Variants in HNRNPL observed in about 807,000 individuals in gnomAD.
HNRNPL encodes the protein heterogeneous nuclear ribonucleoprotein L, also known as epididymis secretory sperm binding protein.
A neutral mutation model predicts 64.0 loss-of-function variants in HNRNPL; 12 were observed. The observed-to-expected ratio is 0.19, with a 90% CI of 0.12 to 0.30. The LOEUF is 0.30. Among genes scored for constraint, HNRNPL ranks in the 10% least tolerant of loss-of-function variants. The pLI is 1.00. For synonymous variants in HNRNPL, 385 were observed against 313.0 expected (o/e 1.23, Z -2.43); for missense variants, 484 against 797.4 (o/e 0.61, Z 4.73).
intron 4 of HNRNPL, 107 bp downstream of exon 4, chr19:38,845,543 C>G: frequency 2.3e-6 from 2 of 868,034 alleles, no homozygotes; most frequent in Non-Finnish European, 3.8e-6. Flanking sequence ...TGGCACATGG[C>G]AGCCACTCCC....
intron 6 of HNRNPL, chr19:38,842,357 C>G (rs571959070): frequency 1.3e-5 from 2 of 152,298 alleles, no homozygotes; most frequent in Non-Finnish European, 2.9e-5. Flanking sequence ...GCTGGGACAG[C>G]TCTGTTCTCT....
intron 6 of HNRNPL, among the ~76,000 whole-genome samples, chr19:38,842,738 T>C (rs1972157297): frequency 6.6e-6 from 1 of 151,924 alleles, no homozygotes; most frequent in South Asian, 2.1e-4. Context: ...TCATCAGCCC[T>C]CGTTTTTTTT....
At chr19:38,850,067 G>A, upstream of HNRNPL, 1 of 997,974 alleles carries the variant, frequency 1.0e-6, no homozygotes, top group South Asian at 2.1e-5. Flanking sequence ...TCCCGCCGCG[G>A]GGGGAGGGTA....
intron 8 of HNRNPL, 58 bp from the exon 9 acceptor site, chr19:38,839,073 G>T (rs1161081357): frequency 6.2e-7 from 1 of 1,601,592 alleles, no homozygotes; most frequent in Non-Finnish European, 8.5e-7. Context: ...CCCCTCTCCT[G>T]CCCCTCCCAA....
In HNRNPL at chr19:38,838,386, A is replaced by G. The variant is rs541082020; in HGVS notation, c.1557+11T>C. 40 of 1,602,184 alleles carry G rather than the reference A, an allele frequency of 2.5e-5. No homozygotes were observed. In the African/African-American group the frequency reaches 4.8e-4, roughly 19 times the overall value. On this transcript the variant is annotated intron_variant, in intron 10 of 12. Coordinates refer to ENST00000221419, the MANE Select transcript of HNRNPL (RefSeq NM_001533.3). Reference sequence around the variant, plus strand: ...AGGACCCGACTGCCTGCGCAGCTCCACGGCACACACCTCAAAGAAGTTCTC... The same window carrying G: ...AGGACCCGACTGCCTGCGCAGCTCCGCGGCACACACCTCAAAGAAGTTCTC...
At chr19:38,847,174 T>A (rs906019581) in intron 2 of HNRNPL, 142 bp downstream of exon 2, 4 of 502,924 alleles carry the variant, frequency 8.0e-6, no homozygotes, top group Non-Finnish European at 1.5e-5. Context: ...CAAAGTACAA[T>A]GGCCAACCCA....
intron 7 of HNRNPL, 49 bp downstream of exon 7, chr19:38,840,433 CGGGCAG>C (rs1290847464): frequency 1.9e-6 from 3 of 1,551,486 alleles, no homozygotes; most frequent in African/African-American, 1.4e-5. Flanking sequence ...CGGCGGGCGG[CGGGCAG>C]GGGCACATGA....
intron 10 of HNRNPL, among the ~76,000 whole-genome samples, chr19:38,837,942 C>G (rs377213607): frequency 1.8e-3 from 267 of 152,360 alleles, no homozygotes; most frequent in African/African-American, 6.3e-3. Flanking sequence ...AATGCAAGGT[C>G]AACATTTCAG....
At chr19:38,839,045 C>T (rs1213895024) in intron 8 of HNRNPL, 30 bp from the exon 9 acceptor site, 1 of 1,611,074 alleles carries the variant, frequency 6.2e-7, no homozygotes, top group Non-Finnish European at 8.5e-7. Context: ...GTCAGCACCT[C>T]TGTCCAGCTG....
At chr19:38,845,371 CAATA>C (rs1450821102) in intron 4 of HNRNPL, 10 of 391,284 alleles carry the variant, frequency 2.6e-5, no homozygotes, top group East Asian at 1.1e-4. Flanking sequence ...AACTCCATCT[CAATA>C]AATAAATAAG....
At chr19:38,850,023 CCCG>C, upstream of HNRNPL, 1 of 1,291,322 alleles carries the variant, frequency 7.7e-7, no homozygotes, top group Non-Finnish European at 1.0e-6. Context: ...ACGCCCGTCA[CCCG>C]CCGCCCCCAC....
At chr19:38,843,771 G>C in intron 6 of HNRNPL, 71 bp downstream of exon 6, 1 of 1,283,546 alleles carries the variant, frequency 7.8e-7, no homozygotes, top group Non-Finnish European at 1.1e-6. Flanking sequence ...CCTGAGCCCA[G>C]GCCTATTAAG....
Position 38,846,001 on chromosome 19 carries a change from T to C in HNRNPL, c.476A>G (p.Asp159Gly), listed in dbSNP as rs748806274. Reference protein sequence around the residue: ...GACNAVNYAADNQIYIAGHPA... With the variant: ...GACNAVNYAAGNQIYIAGHPA... ...GTGACCAGCAATGTATATTTGGTTG[T>C]CGGCTGCGTAGTTCACTGCGTTGCA... Residue 159 changes from aspartate to glycine, a missense_variant, in exon 3 of 13, where the codon GAC (aspartate) becomes GGC (glycine). Asp to Gly is a moderately conservative substitution (Grantham distance 94, BLOSUM62 -1). Transcript: ENST00000221419. The C allele has an allele frequency of 1.2e-6, 2 of 1,614,212 alleles. No individual in the cohort carries two copies. Among genetic ancestry groups the C allele is most frequent in the Non-Finnish European group, 8.5e-7 (1 of 1,180,032 alleles).
rs765645636 is a variant in HNRNPL at position 38,836,595 on chromosome 19, A to AT, written c.*126dup. 41 of 497,154 alleles carry AT rather than the reference A, an allele frequency of 8.2e-5. No homozygotes were observed. The highest frequency in any genetic ancestry group is 3.0e-4 in the Admixed American group (8 of 26,286). The allele number at this position is 497,154 out of a possible 1,614,324, so 30.8% of individuals were successfully genotyped here. On this transcript the variant is annotated 3_prime_UTR_variant, in exon 13 of 13. Transcript: ENST00000221419. ...TTAAGTAAGCCTCTACAAACCTAGCATTTAAAAAAAAAAAAAAAAAAAAAA... is the reference window on the plus strand; with the variant it reads ...TTAAGTAAGCCTCTACAAACCTAGCATTTTAAAAAAAAAAAAAAAAAAAAAA...
chr19:38,837,441 T>G lies in HNRNPL; in HGVS notation c.1654A>C (p.Lys552Gln), dbSNP rs1568366146. 1 of 1,614,244 alleles carries G rather than the reference T, an allele frequency of 6.2e-7. No homozygotes were observed. The highest frequency in any genetic ancestry group is 8.5e-7 in the Non-Finnish European group (1 of 1,180,024). The change falls in exon 12 of 13, where the codon AAG (lysine) becomes CAG (glutamine). Residue 552 changes from lysine to glutamine, a missense_variant. By Grantham distance (53) the Lys-to-Gln change is moderately conservative (BLOSUM62 1). This residue lies in a region of HNRNPL where 69 missense variants were observed against 91.8 expected (regional missense o/e 0.75). Transcript: ENST00000221419. The stretch of plus-strand genomic sequence containing the variant: ...CCCAGAGTCTCCAGGGCATCGCTCT[T>G]GGATTCCCACTCCAGCAGTCCAGAG... ...SSSGLLEWES[K>Q]SDALETLGFL...
chr19:38,850,734 A>G (rs1972483590), upstream of HNRNPL, among the ~76,000 whole-genome samples: 1 of 152,182 alleles, frequency 6.6e-6, no homozygotes, highest in South Asian at 2.1e-4. Context: ...CCATCACTAT[A>G]CCGTGTTCAT....
At chr19:38,840,669 T>TCC (rs1351692094) in intron 6 of HNRNPL, 110 bp from the exon 7 acceptor site, 1 of 855,782 alleles carries the variant, frequency 1.2e-6, no homozygotes, top group Non-Finnish European at 1.9e-6. Flanking sequence ...CTGCAAGCCC[T>TCC]CCCTTCCTCG....
At position 38,836,619 on chromosome 19, in the gene HNRNPL, A is replaced by G; in HGVS notation, c.*103T>C. Reference sequence around the variant, plus strand: ...CATTTAAAAAAAAAAAAAAAAAAAAAAAAAAGGAATACAAGATCTTTTGCA... The same window carrying G: ...CATTTAAAAAAAAAAAAAAAAAAAAGAAAAAGGAATACAAGATCTTTTGCA... On this transcript the variant is annotated 3_prime_UTR_variant, in exon 13 of 13. Coordinates refer to ENST00000221419, the MANE Select transcript of HNRNPL (RefSeq NM_001533.3). The G allele has an allele frequency of 1.9e-6, 1 of 534,696 alleles. No homozygotes were observed. Among genetic ancestry groups the G allele is most frequent in the Non-Finnish European group, 3.2e-6 (1 of 314,306 alleles). 33.1% of individuals were successfully genotyped at this position (534,696 alleles called of 1,614,324 possible).
intron 11 of HNRNPL, 50 bp from the exon 12 acceptor site, chr19:38,837,529 G>C (rs759905439): frequency 1.2e-6 from 2 of 1,611,256 alleles, no homozygotes; most frequent in Non-Finnish European, 1.7e-6. Context: ...CACCCAATAG[G>C]AACTAGGCAG....
Sources: gnomAD v4.1 joint callset for allele counts (sites outside exome capture counted in the v4.1 genomes callset) on GRCh38, gnomAD v4.1.1 for gene constraint, gnomAD v4.1.1 regional missense constraint, MANE v1.5 for transcripts, NCBI Gene and HGNC (gene_info 2026-07-23, HGNC 2026-07-21) for gene names.